The following CRYBB2 variants were observed in gnomAD, a reference collection of about 807,000 sequenced individuals.
CRYBB2 encodes the protein beta-crystallin B2.
A neutral mutation model predicts 24.3 loss-of-function variants in CRYBB2; 12 were observed. The ratio of observed to expected loss-of-function variants is 0.49; its 90% CI spans 0.32 to 0.80. CRYBB2 has a LOEUF of 0.80. Among genes scored for constraint, CRYBB2 ranks in the 30% least tolerant of loss-of-function variants. The pLI is 0.04. For missense variants in CRYBB2, 198 were observed against 268.5 expected (o/e 0.74, Z 1.83); for synonymous variants, 98 against 101.6 (o/e 0.96, Z 0.21).
At chr22:25,221,975 G>T (rs539340051) in intron 2 of CRYBB2, among the ~76,000 whole-genome samples, 1 of 152,332 alleles carries the variant, frequency 6.6e-6, no homozygotes, top group East Asian at 1.9e-4. Flanking sequence ...CCTAACACCC[G>T]GCCTGGGGTG....
intron 3 of CRYBB2, among the ~76,000 whole-genome samples, chr22:25,225,912 A>G (rs1012481401): frequency 2.0e-5 from 3 of 152,312 alleles, no homozygotes; most frequent in Admixed American, 2.0e-4. Context: ...CCCTTTCTGG[A>G]TAGCTGAGAT....
intron 3 of CRYBB2, among the ~76,000 whole-genome samples, chr22:25,225,256 C>T (rs1360932386): frequency 6.6e-6 from 1 of 152,200 alleles, no homozygotes; most frequent in Non-Finnish European, 1.5e-5. Flanking sequence ...AGGACCTTCC[C>T]CCTCTGAGCC....
chr22:25,226,589 A>C (rs1208177131), intron 3 of CRYBB2, among the ~76,000 whole-genome samples: 1 of 152,214 alleles, frequency 6.6e-6, no homozygotes, highest in Non-Finnish European at 1.5e-5. Context: ...TAAGTTTTTC[A>C]GTTACTGGAT....
intron 5 of CRYBB2, 126 bp from the exon 6 acceptor site, chr22:25,231,478 A>G (rs1344077070): frequency 1.1e-6 from 1 of 904,892 alleles, no homozygotes; most frequent in Non-Finnish European, 1.9e-6. Flanking sequence ...GGAAGTGGCA[A>G]TGGTTGGGAG....
At chr22:25,218,776 AGAG>A (rs781214006), upstream of CRYBB2, among the ~76,000 whole-genome samples, 1,769 of 30,022 alleles carry the variant, frequency 0.059, 48 homozygotes, top group South Asian at 0.11. Context: ...AGAGAGAGAG[AGAG>A]AAGAAAGAAA....
intron 2 of CRYBB2, among the ~76,000 whole-genome samples, chr22:25,222,071 G>A (rs1038190391): frequency 1.4e-4 from 22 of 152,266 alleles, no homozygotes; most frequent in African/African-American, 3.9e-4. Context: ...TTATCCCAAC[G>A]TCAGAGGCTT....
chr22:25,216,231 T>A (rs1935168035), upstream of CRYBB2, among the ~76,000 whole-genome samples: 1 of 152,234 alleles, frequency 6.6e-6, no homozygotes. Context: ...TAACCCCCAG[T>A]ACCTCAGAAT....
At chr22:25,230,578 T>C (rs1473146397) in intron 5 of CRYBB2, among the ~76,000 whole-genome samples, 1 of 150,248 alleles carries the variant, frequency 6.7e-6, no homozygotes, top group Non-Finnish European at 1.5e-5. Flanking sequence ...ATTAAGGCTC[T>C]TTCCCCACAA....
Position 25,220,636 on chromosome 22 carries a change from G to A in CRYBB2, c.-26-768G>A, listed in dbSNP as rs1935302762. On this transcript the variant is annotated intron_variant, in intron 1 of 5. Transcript: ENST00000398215. ...AGCTGGCGTTATCTCTGAAGAGGGA[G>A]GCCAGGCTTCCTCTCTTACCCCTGG... 2.0e-5 allele frequency among the ~76,000 whole-genome samples: 3 copies of A among 152,290 alleles called. No individual in the cohort carries two copies. The South Asian group carries it at 6.2e-4, about 32-fold the overall frequency.
At chr22:25,218,824 AAGAAAGAAAGAAAG>A (rs1569016479), upstream of CRYBB2, among the ~76,000 whole-genome samples, 11 of 118,414 alleles carry the variant, frequency 9.3e-5, no homozygotes, top group South Asian at 3.3e-4. Flanking sequence ...GAAAGAAAGA[AAGAAAGAAAGAAAG>A]AGAAAGAAAG....
chr22:25,222,163 C>T lies in CRYBB2; in HGVS notation c.54+680C>T, dbSNP rs578259683. 1.7e-4 allele frequency among the ~76,000 whole-genome samples: 26 copies of T among 152,312 alleles called. 1 individual carries two copies. The highest frequency in any genetic ancestry group is 2.9e-4 in the Non-Finnish European group (20 of 68,034). The stretch of plus-strand genomic sequence containing the variant: ...CTGTGCCTCCCTGCTTTGGTAGCCC[C>T]GGGCACAGGTTCCTTCAGGAATGGC... On this transcript the variant is annotated intron_variant, in intron 2 of 5. Transcript: ENST00000398215.
intron 3 of CRYBB2, among the ~76,000 whole-genome samples, chr22:25,225,941 C>T (rs1935405419): frequency 6.6e-6 from 1 of 152,208 alleles, no homozygotes; most frequent in South Asian, 2.1e-4. Flanking sequence ...TTAAGCACCA[C>T]ATCTGACTTT....
chr22:25,221,571 A>G lies in CRYBB2; in HGVS notation c.54+88A>G, dbSNP rs573043827. The stretch of plus-strand genomic sequence containing the variant: ...TAAAATGGGCTTGGCATCTTTCTTC[A>G]TGGGTACCCCCTCTCGACCCCTGCC... On this transcript the variant is annotated intron_variant, in intron 2 of 5. Transcript: ENST00000398215. 4 of 987,882 alleles carry G rather than the reference A, an allele frequency of 4.0e-6. No individual in the cohort carries two copies. In the Admixed American group the frequency reaches 7.2e-5, roughly 18 times the overall value. The allele number at this position is 987,882 out of a possible 1,614,324, so 61.2% of individuals were successfully genotyped here.
At chr22:25,228,030 C>A in intron 4 of CRYBB2, 45 bp downstream of exon 4, 1 of 1,613,440 alleles carries the variant, frequency 6.2e-7, no homozygotes, top group Non-Finnish European at 8.5e-7. Flanking sequence ...TGCCCATCAT[C>A]CTACTTTCTC....
intron 2 of CRYBB2, among the ~76,000 whole-genome samples, chr22:25,223,639 G>A (rs1263221233): frequency 6.6e-6 from 1 of 152,140 alleles, no homozygotes; most frequent in Non-Finnish European, 1.5e-5. Flanking sequence ...TTGCCTCTAA[G>A]CCCTGTGCCT....
chr22:25,229,511 G>A lies in CRYBB2; in HGVS notation c.382G>A (p.Asp128Asn). The A allele has an allele frequency of 2.5e-6, 4 of 1,614,158 alleles. No individual in the cohort carries two copies. Among genetic ancestry groups the A allele is most frequent in the Non-Finnish European group, 3.4e-6 (4 of 1,180,030 alleles). ...GAAGAAGATGGAAATCATAGATGACGATGTACCCAGCTTCCACGCCCATGG... is the reference window on the plus strand; with the variant it reads ...GAAGAAGATGGAAATCATAGATGACAATGTACCCAGCTTCCACGCCCATGG... ...TGKKMEIIDD[D>N]VPSFHAHGYQ... is the part of the protein sequence containing the mutation. Residue 128 changes from aspartate (D) to asparagine (N), a missense_variant, in exon 5 of 6, where the codon GAT (aspartate) becomes AAT (asparagine). Transcript: ENST00000398215.
chr22:25,224,087 G>A (rs1286698536), intron 2 of CRYBB2, among the ~76,000 whole-genome samples: 1 of 148,108 alleles, frequency 6.8e-6, no homozygotes, highest in African/African-American at 2.5e-5. Context: ...TCGCGCCACT[G>A]CACTCCAGCC....
intron 1 of CRYBB2, chr22:25,213,424 T>C (rs1935130433): frequency 6.6e-6 from 1 of 152,166 alleles, no homozygotes; most frequent in South Asian, 2.1e-4. Flanking sequence ...CCCCAATTCT[T>C]GGTGGTTGAA....
chr22:25,231,568 C>A (rs1424014911), intron 5 of CRYBB2, 36 bp from the exon 6 acceptor site: 1 of 1,606,532 alleles, frequency 6.2e-7, no homozygotes, highest in East Asian at 2.2e-5. Flanking sequence ...CTTCCTGTCC[C>A]CCTCGTTCAC....
Sources: gnomAD v4.1 joint callset for allele counts (sites outside exome capture counted in the v4.1 genomes callset) on GRCh38, gnomAD v4.1.1 for gene constraint, MANE v1.5 for transcripts, NCBI Gene and HGNC (gene_info 2026-07-23, HGNC 2026-07-21) for gene names.